The following AJAP1 variants were observed in gnomAD, a reference collection of about 807,000 sequenced individuals.
AJAP1 encodes the protein adherens junctions associated protein 1.
In AJAP1, 5 loss-of-function variants were observed where a neutral mutation model predicts 35.0. The observed-to-expected ratio is 0.14, with a 90% confidence interval of 0.07 to 0.30. The LOEUF is 0.30. Ranked by LOEUF, AJAP1 falls within the 10% of genes least tolerant of loss-of-function variation. AJAP1 has a pLI of 1.00. For synonymous variants in AJAP1, 284 were observed against 249.3 expected, an observed-to-expected ratio of 1.14 and a Z score of -1.31; for missense variants, 586 against 571.0, an observed-to-expected ratio of 1.03 and a Z score of -0.27.
chr1:4,753,266 C>T (rs1641359934), intron 2 of AJAP1, among the ~76,000 whole-genome samples: 1 of 152,124 alleles, frequency 6.6e-6, no homozygotes, highest in Non-Finnish European at 1.5e-5. Flanking sequence ...TCTTCTCCAG[C>T]CCCTGGAAGC....
chr1:4,733,321 G>A (rs1299772252), intron 2 of AJAP1, among the ~76,000 whole-genome samples: 1 of 151,992 alleles, frequency 6.6e-6, no homozygotes. Context: ...GGCCCCAAGA[G>A]TCATCACTTC....
rs1443207329 is a variant in AJAP1 at position 4,720,854 on chromosome 1, G to T, written c.829+8155G>T. 6.6e-6 allele frequency among the ~76,000 whole-genome samples: 1 copy of T among 152,134 alleles called. No homozygotes were observed. Among genetic ancestry groups the T allele is most frequent in the Non-Finnish European group, 1.5e-5 (1 of 68,024 alleles). ...TCTGTCCATATCATGATCTTTCCCT[G>T]CCCTGGAAGGCCTCAGTTCTCACTG... On this transcript the variant is annotated intron_variant, in intron 2 of 5. Transcript: ENST00000378191. The surrounding 1 kb of genome is among the most constrained non-coding windows in gnomAD (Gnocchi z 4.4).
At chr1:4,700,046 C>T (rs1470697133) in intron 1 of AJAP1, among the ~76,000 whole-genome samples, 2 of 152,182 alleles carry the variant, frequency 1.3e-5, no homozygotes, top group Admixed American at 6.5e-5. Flanking sequence ...TGCACGATTG[C>T]GTAGAGCTCT....
chr1:4,660,746 G>T (rs1404034436), intron 1 of AJAP1, among the ~76,000 whole-genome samples: 1 of 152,118 alleles, frequency 6.6e-6, no homozygotes, highest in African/African-American at 2.4e-5. Flanking sequence ...TACAAAACTT[G>T]CTCAGTTATG....
chr1:4,670,831 C>A (rs140034991), intron 1 of AJAP1, among the ~76,000 whole-genome samples: 1 of 152,190 alleles, frequency 6.6e-6, no homozygotes, highest in Admixed American at 6.5e-5. Flanking sequence ...CTTTCCCTTC[C>A]GGAGGAGAGG....
At chr1:4,749,721 A>C (rs1641279183) in intron 2 of AJAP1, among the ~76,000 whole-genome samples, 1 of 152,232 alleles carries the variant, frequency 6.6e-6, no homozygotes, top group East Asian at 1.9e-4. Context: ...GAGGCCTTGC[A>C]TCCAGGCAGG....
intron 2 of AJAP1, among the ~76,000 whole-genome samples, chr1:4,749,205 T>C (rs992706079): frequency 6.6e-6 from 1 of 152,172 alleles, no homozygotes; most frequent in Non-Finnish European, 1.5e-5. Flanking sequence ...CTTAGGTCCC[T>C]TGGGACCTGC....
intron 1 of AJAP1, among the ~76,000 whole-genome samples, chr1:4,686,788 G>T (rs567718764): frequency 6.6e-6 from 1 of 152,352 alleles, no homozygotes; most frequent in African/African-American, 2.4e-5. Context: ...TGGCTCTGGA[G>T]CGAGGTGAGC....
intron 1 of AJAP1, among the ~76,000 whole-genome samples, chr1:4,702,944 G>A (rs944417671): frequency 6.6e-6 from 1 of 152,272 alleles, no homozygotes; most frequent in East Asian, 1.9e-4. Flanking sequence ...GAGATTCCGC[G>A]ATGGGATTCA....
chr1:4,748,405 G>A (rs1641242021), intron 2 of AJAP1, among the ~76,000 whole-genome samples: 1 of 152,152 alleles, frequency 6.6e-6, no homozygotes, highest in East Asian at 1.9e-4. Flanking sequence ...CACTGCCTAG[G>A]CGTCGGCCTC....
At position 4,790,461 on chromosome 1, in the gene AJAP1, A is replaced by G. The variant is rs1286003313; in HGVS notation, c.*7976A>G. On this transcript the variant is annotated 3_prime_UTR_variant, in exon 6 of 6. Transcript: ENST00000378191. ...GGTGTCACTTCCACATACAAGCACA[A>G]TTCTCCCAGTTAAGGGGCTGGAAGA... The G allele has an allele frequency of 1.3e-5, 2 of 152,176 alleles. No individual in the cohort carries two copies. The highest frequency in any genetic ancestry group is 2.4e-5 in the African/African-American group (1 of 41,454). The allele number at this position is 152,176 out of a possible 1,614,324, so 9.4% of individuals were successfully genotyped here. A position where few individuals can be genotyped will look rare whatever the true frequency, so the allele number is the denominator to read the frequency against.
intron 1 of AJAP1, among the ~76,000 whole-genome samples, chr1:4,703,774 A>C (rs935938176): frequency 6.6e-6 from 1 of 152,218 alleles, no homozygotes; most frequent in Non-Finnish European, 1.5e-5. Flanking sequence ...GGGGACCCTG[A>C]GCCCACGCCC....
At chr1:4,668,542 A>G (rs543055208) in intron 1 of AJAP1, among the ~76,000 whole-genome samples, 2 of 152,226 alleles carry the variant, frequency 1.3e-5, no homozygotes, top group East Asian at 3.9e-4. Flanking sequence ...TATTTCACAG[A>G]TGGGTAAACT....
intron 4 of AJAP1, 144 bp downstream of exon 4, chr1:4,772,669 G>A: frequency 8.1e-7 from 1 of 1,231,218 alleles, no homozygotes; most frequent in Non-Finnish European, 1.1e-6. Context: ...AAGGCGGACA[G>A]CTAATTTGGC....
intron 1 of AJAP1, among the ~76,000 whole-genome samples, chr1:4,694,050 G>A (rs1639802133): frequency 6.6e-6 from 1 of 152,210 alleles, no homozygotes; most frequent in African/African-American, 2.4e-5. Context: ...CCGTGTTGGG[G>A]CTGCCCCTGC....
In AJAP1 at chr1:4,791,569, T is replaced by C. The variant is rs1642249267; in HGVS notation, c.*9084T>C. 1 of 152,228 alleles carries C rather than the reference T, an allele frequency of 6.6e-6. No homozygotes were observed. Among genetic ancestry groups the C allele is most frequent in the Admixed American group, 6.5e-5 (1 of 15,286 alleles). The allele number at this position is 152,228 out of a possible 1,614,324, so 9.4% of individuals were successfully genotyped here. ...TGAAATGCATCTTTGCCAGCTGAACTTGTCATGCACTAAACTTCCCATTGA... is the reference window on the plus strand; with the variant it reads ...TGAAATGCATCTTTGCCAGCTGAACCTGTCATGCACTAAACTTCCCATTGA... On this transcript the variant is annotated 3_prime_UTR_variant, in exon 6 of 6. Transcript: ENST00000378191.
At chr1:4,753,570 G>T (rs370382112) in intron 2 of AJAP1, among the ~76,000 whole-genome samples, 3 of 151,650 alleles carry the variant, frequency 2.0e-5, no homozygotes, top group Non-Finnish European at 4.4e-5. Flanking sequence ...TATATTAATC[G>T]CTGTTTTTGT....
intron 1 of AJAP1, among the ~76,000 whole-genome samples, chr1:4,668,949 A>G (rs1156695767): frequency 2.6e-5 from 4 of 152,236 alleles, no homozygotes; most frequent in African/African-American, 9.7e-5. Flanking sequence ...CCACAGGGCA[A>G]TTTGAATTTT....
In AJAP1 at chr1:4,769,879, A is replaced by G; in HGVS notation, c.856A>G (p.Ile286Val). 1 of 1,613,926 alleles carries G rather than the reference A, an allele frequency of 6.2e-7. No homozygotes were observed. Among genetic ancestry groups the G allele is most frequent in the Non-Finnish European group, 8.5e-7 (1 of 1,179,954 alleles). Residue 286 changes from isoleucine (I) to valine (V), a missense_variant, in exon 3 of 6, where the codon ATC becomes GTC. Coordinates refer to ENST00000378191, the MANE Select transcript of AJAP1 (RefSeq NM_018836.4). ...SGLAVHQIIT[I>V]TVSLIMVIAA... Reference sequence around the variant, plus strand: ...TCTGGCTGTCCATCAGATCATCACCATCACCGTCTCCCTCATCATGGTCAT... The same window carrying G: ...TCTGGCTGTCCATCAGATCATCACCGTCACCGTCTCCCTCATCATGGTCAT...
Sources: gnomAD v4.1 joint callset for allele counts (sites outside exome capture counted in the v4.1 genomes callset) on GRCh38, gnomAD v4.1.1 for gene constraint, Gnocchi (gnomAD v3.1) non-coding constraint, MANE v1.5 for transcripts, NCBI Gene and HGNC (gene_info 2026-07-23, HGNC 2026-07-21) for gene names.